KIF5B: variants seen among roughly 807,000 people sequenced by gnomAD.
KIF5B encodes the protein kinesin-1 heavy chain.
In KIF5B, 49 loss-of-function variants were observed where a neutral mutation model predicts 132.8. That is an observed-to-expected ratio of 0.37 (90% confidence interval 0.29 to 0.47). The LOEUF is 0.47. Among genes scored for constraint, KIF5B ranks in the 20% least tolerant of loss-of-function variants. The pLI is 1.00. For missense variants in KIF5B, 780 were observed against 1,144.0 expected (o/e 0.68, Z 4.59); for synonymous variants, 355 against 369.4 (o/e 0.96, Z 0.45).
At position 32,037,618 on chromosome 10, in the gene KIF5B, A is replaced by G; in HGVS notation, c.499-11T>C. The G allele has an allele frequency of 6.3e-7, 1 of 1,578,710 alleles. No homozygotes were observed. Among genetic ancestry groups the G allele is most frequent in the South Asian group, 1.1e-5 (1 of 89,918 alleles). On this transcript the variant is annotated splice_polypyrimidine_tract_variant and intron_variant, in intron 6 of 25. Coordinates refer to ENST00000302418, the MANE Select transcript of KIF5B (RefSeq NM_004521.3). ...ACGCTCTGTGCACCCCTGTGAAATA[A>G]TTTTTAAAAATATGTTAATGTCTGG...
chr10:32,030,949 C>G, intron 14 of KIF5B, 124 bp downstream of exon 14: 1 of 680,490 alleles, frequency 1.5e-6, no homozygotes, highest in Non-Finnish European at 2.4e-6. Flanking sequence ...AGTTGAAACC[C>G]GAGTCCTTGA....
Position 32,021,103 on chromosome 10 carries a change from T to C in KIF5B, c.2123A>G (p.His708Arg). ...KQAVEQQIQS[H>R]RETHQKQISS... is the part of the protein sequence containing the mutation. ...GATCTGTTTTTGATGAGTTTCTCTA[T>C]GGCTCTGGATCTGCTGTTCAACAGC... The change falls in exon 19 of 26, where the codon CAT becomes CGT. Residue 708 changes from histidine to arginine, a missense_variant. By Grantham distance (29) the His-to-Arg change is conservative. Coordinates refer to ENST00000302418, the MANE Select transcript of KIF5B (RefSeq NM_004521.3). The C allele has an allele frequency of 6.2e-7, 1 of 1,613,834 alleles. No homozygotes were observed. Among genetic ancestry groups the C allele is most frequent in the Non-Finnish European group, 8.5e-7 (1 of 1,179,880 alleles).
chr10:32,039,459 T>C, intron 3 of KIF5B, 28 bp from the exon 4 acceptor site: 1 of 952,774 alleles, frequency 1.0e-6, no homozygotes, highest in Non-Finnish European at 1.6e-6. Flanking sequence ...CTAGACTTCT[T>C]AAATAAATTA....
At chr10:32,040,646 CACACACACACA>C (rs1841522518) in intron 2 of KIF5B, among the ~76,000 whole-genome samples, 189 bp from the exon 3 acceptor site, 2 of 149,754 alleles carry the variant, frequency 1.3e-5, no homozygotes, top group Non-Finnish European at 3.0e-5. Flanking sequence ...CACACACACA[CACACACACACA>C]CCCTCTTCCT....
Position 32,034,700 on chromosome 10 carries a change from T to TC in KIF5B, c.1100dup (p.Trp368MetfsTer3). On this transcript the variant is annotated frameshift_variant, in exon 11 of 26. Coordinates refer to ENST00000302418, the MANE Select transcript of KIF5B (RefSeq NM_004521.3). LOFTEE classifies it high-confidence loss of function. ...TTCTTAAGTTATTACCATTACGCCATCTGTTGAGCTCATTTTCAAGCCACT... is the reference window on the plus strand; with the variant it reads ...TTCTTAAGTTATTACCATTACGCCATCCTGTTGAGCTCATTTTCAAGCCACT... 1.9e-6 allele frequency: 3 copies of TC among 1,586,786 alleles called. No individual in the cohort carries two copies. The highest frequency in any genetic ancestry group is 2.6e-6 in the Non-Finnish European group (3 of 1,170,508).
intron 2 of KIF5B, among the ~76,000 whole-genome samples, chr10:32,046,287 G>A (rs1841608029): frequency 1.3e-5 from 2 of 152,302 alleles, no homozygotes; most frequent in South Asian, 4.1e-4. Context: ...ACAGAAGTAT[G>A]TCTCAATCAA....
chr10:32,020,191 T>C (rs1841239246), intron 19 of KIF5B, among the ~76,000 whole-genome samples: 1 of 152,170 alleles, frequency 6.6e-6, no homozygotes, highest in Non-Finnish European at 1.5e-5. Flanking sequence ...TCTTCCTGAA[T>C]CCTTATGCCT....
At chr10:32,015,772 T>C in intron 24 of KIF5B, 113 bp from the exon 25 acceptor site, 2 of 856,424 alleles carry the variant, frequency 2.3e-6, no homozygotes, top group Non-Finnish European at 3.5e-6. Flanking sequence ...TGTTTTTCTT[T>C]GCCTTTTTGT....
intron 1 of KIF5B, among the ~76,000 whole-genome samples, chr10:32,053,595 G>A (rs1269626185): frequency 2.0e-5 from 3 of 151,800 alleles, no homozygotes; most frequent in African/African-American, 7.3e-5. Context: ...GTGGTAGCGC[G>A]TGCCTGTAAT....
In KIF5B at chr10:32,056,067, G is replaced by A. The variant is rs1841759264; in HGVS notation, c.-94C>T. 2.7e-6 allele frequency: 4 copies of A among 1,464,908 alleles called. No homozygotes were observed. The highest frequency in any genetic ancestry group is 2.4e-4 in the Middle Eastern group (1 of 4,112). 90.7% of individuals were successfully genotyped at this position (1,464,908 alleles called of 1,614,324 possible). A position where few individuals can be genotyped will look rare whatever the true frequency, so the allele number is the denominator to read the frequency against. Reference sequence around the variant, plus strand: ...GACCTGAGGGCTTGTGGTCGCGAGGGCCGTGAGAGGCAGCAGTCAGCTGCG... The same window carrying A: ...GACCTGAGGGCTTGTGGTCGCGAGGACCGTGAGAGGCAGCAGTCAGCTGCG... On this transcript the variant is annotated 5_prime_UTR_variant, in exon 1 of 26. Coordinates refer to ENST00000302418, the MANE Select transcript of KIF5B (RefSeq NM_004521.3).
At chr10:32,035,697 G>A (rs1198004130) in intron 9 of KIF5B, 30 bp from the exon 10 acceptor site, 1 of 1,574,916 alleles carries the variant, frequency 6.3e-7, no homozygotes, top group Non-Finnish European at 8.6e-7. Flanking sequence ...AAGAAAACAA[G>A]ACCAGTATAA....
intron 15 of KIF5B, among the ~76,000 whole-genome samples, chr10:32,028,035 C>T (rs773705525): frequency 1.5e-4 from 23 of 151,860 alleles, no homozygotes; most frequent in Non-Finnish European, 2.6e-4. Flanking sequence ...TGCAGTTGCA[C>T]GATTGCAGCT....
intron 12 of KIF5B, among the ~76,000 whole-genome samples, chr10:32,033,058 C>T (rs1841421010): frequency 6.6e-6 from 1 of 152,210 alleles, no homozygotes; most frequent in Non-Finnish European, 1.5e-5. Context: ...CTTTACTACT[C>T]TTGTTCTTGC....
chr10:32,021,037 A>G lies in KIF5B; in HGVS notation c.2189T>C (p.Ile730Thr), dbSNP rs1564463569. The change falls in exon 19 of 26, where the codon ATT becomes ACT. Residue 730 changes from isoleucine to threonine, a missense_variant. By Grantham distance (89) the Ile-to-Thr change is moderately conservative (BLOSUM62 -1). Transcript: ENST00000302418. ...TAATACTTACTCTTGAAGATCAGTA[A>G]TAAGTTTTGCTTTTGCTTCTACTTC... ...RDEVEAKAKL[I>T]TDLQDQNQKM... 1.3e-6 allele frequency: 2 copies of G among 1,588,464 alleles called. No homozygotes were observed. Among genetic ancestry groups the G allele is most frequent in the Non-Finnish European group, 1.7e-6 (2 of 1,157,042 alleles).
In KIF5B at chr10:32,035,614, TA is replaced by T; in HGVS notation, c.869del (p.Leu290Ter). ...CAATAGTGGTTCTACAGTTGCCACC[TA>T]ATGAATCTTGAAGGATTCTTGTCAT... ...SKMTRILQDS[L>X]GGNCRTTIVI... On this transcript the variant is annotated frameshift_variant, in exon 10 of 26. Coordinates refer to ENST00000302418, the MANE Select transcript of KIF5B (RefSeq NM_004521.3). LOFTEE classifies it high-confidence loss of function. 6.2e-7 allele frequency: 1 copy of T among 1,612,948 alleles called. No homozygotes were observed. Among genetic ancestry groups the T allele is most frequent in the Non-Finnish European group, 8.5e-7 (1 of 1,179,112 alleles).
chr10:32,018,437 A>G, intron 21 of KIF5B, 50 bp from the exon 22 acceptor site: 1 of 1,583,398 alleles, frequency 6.3e-7, no homozygotes, highest in South Asian at 1.2e-5. Flanking sequence ...TAAATTTAGA[A>G]TAATCATGGT....
chr10:32,024,081 GAC>G (rs1479331405), intron 15 of KIF5B, among the ~76,000 whole-genome samples: 10 of 83,188 alleles, frequency 1.2e-4, no homozygotes, highest in Non-Finnish European at 2.0e-4. Context: ...AAAAAAACAA[GAC>G]ACAGAGAAAT....
At chr10:32,055,771 C>A in intron 1 of KIF5B, 77 bp downstream of exon 1, 1 of 1,562,720 alleles carries the variant, frequency 6.4e-7, no homozygotes, top group Non-Finnish European at 8.7e-7. Flanking sequence ...CAATTCTGCA[C>A]CCTGCCACTT....
intron 20 of KIF5B, among the ~76,000 whole-genome samples, chr10:32,019,306 C>T (rs201066725): frequency 3.3e-5 from 5 of 152,112 alleles, no homozygotes; most frequent in African/African-American, 9.7e-5. Flanking sequence ...TTCTAACTAT[C>T]CTAACAATAT....
Sources: gnomAD v4.1 joint callset for allele counts (sites outside exome capture counted in the v4.1 genomes callset) on GRCh38, gnomAD v4.1.1 for gene constraint, MANE v1.5 for transcripts, NCBI Gene and HGNC (gene_info 2026-07-23, HGNC 2026-07-21) for gene names.